TRAT1: variants seen among roughly 807,000 people sequenced by gnomAD.
TRAT1 encodes the protein T-cell receptor-associated transmembrane adapter 1.
A neutral mutation model predicts 20.0 loss-of-function variants in TRAT1; 20 were observed. The observed-to-expected ratio is 1.00, with a 90% CI of 0.70 to 1.45. The LOEUF (loss-of-function observed/expected upper bound fraction) is 1.45. Among genes scored for constraint, TRAT1 ranks in the 40% most tolerant of loss-of-function variants. TRAT1 has a pLI of 0.00. For missense variants in TRAT1, 237 were observed against 224.1 expected (o/e 1.06, Z -0.37); for synonymous variants, 77 against 74.2 (o/e 1.04, Z -0.20).
rs2107515805 is a variant in TRAT1, at chr3:108,849,253, A to G, written c.302A>G (p.Gln101Arg). ...NKMQEATPSA[Q>R]ATNETQMCYA... The stretch of plus-strand genomic sequence containing the variant: ...ATGCAGGAAGCCACCCCATCTGCAC[A>G]GGTGAGTTTTGTTTTCTGTTTCCAC... Residue 101 changes from glutamine (Q) to arginine (R), a missense_variant and splice_region_variant, in exon 5 of 6, where the codon CAG (glutamine) becomes CGG (arginine). Transcript: ENST00000295756. 1 of 1,613,186 alleles carries G rather than the reference A, an allele frequency of 6.2e-7. No individual in the cohort carries two copies. Among genetic ancestry groups the G allele is most frequent in the Non-Finnish European group, 8.5e-7 (1 of 1,179,422 alleles).
intron 4 of TRAT1, among the ~76,000 whole-genome samples, chr3:108,847,912 T>C (rs1490881190): frequency 6.6e-6 from 1 of 152,230 alleles, no homozygotes; most frequent in Non-Finnish European, 1.5e-5. Context: ...ATTAAAACAG[T>C]ATGGAATCAT....
intron 5 of TRAT1, among the ~76,000 whole-genome samples, chr3:108,850,522 C>T (rs1392359188): frequency 6.6e-6 from 1 of 151,972 alleles, no homozygotes; most frequent in African/African-American, 2.4e-5. Context: ...TTAGGCTGGT[C>T]GCAAACTCCC....
intron 4 of TRAT1, 55 bp from the exon 5 acceptor site, chr3:108,849,111 C>T: frequency 7.1e-7 from 1 of 1,402,578 alleles, no homozygotes; most frequent in Non-Finnish European, 1.0e-6. Flanking sequence ...TATTTTTAAT[C>T]ATACTAGTAT....
chr3:108,841,232 C>G (rs1315706695), intron 3 of TRAT1, among the ~76,000 whole-genome samples: 1 of 152,152 alleles, frequency 6.6e-6, no homozygotes, highest in African/African-American at 2.4e-5. Context: ...TATAAAATAA[C>G]CTATTGTCTA....
intron 4 of TRAT1, 32 bp downstream of exon 4, chr3:108,847,161 A>G (rs1945955342): frequency 7.7e-7 from 1 of 1,304,290 alleles, no homozygotes; most frequent in African/African-American, 1.5e-5. Context: ...TTTATAAATA[A>G]GTAAATCCCA....
intron 2 of TRAT1, among the ~76,000 whole-genome samples, chr3:108,836,595 C>T (rs1255548928): frequency 6.6e-6 from 1 of 152,128 alleles, no homozygotes; most frequent in African/African-American, 2.4e-5. Flanking sequence ...AACTTCCTGA[C>T]TCAAATGAGT....
chr3:108,824,344 A>T (rs933774182), intron 1 of TRAT1, among the ~76,000 whole-genome samples: 1 of 152,156 alleles, frequency 6.6e-6, no homozygotes, highest in Non-Finnish European at 1.5e-5. Flanking sequence ...AGTGATGCCA[A>T]TTCCCTCTCA....
At chr3:108,833,234 A>G (rs1945810239) in intron 2 of TRAT1, among the ~76,000 whole-genome samples, 1 of 152,186 alleles carries the variant, frequency 6.6e-6, no homozygotes, top group African/African-American at 2.4e-5. Context: ...CCTGGTCAAC[A>G]TGGAGAAACT....
chr3:108,824,534 T>C (rs1391250376), intron 1 of TRAT1, among the ~76,000 whole-genome samples: 1 of 152,208 alleles, frequency 6.6e-6, no homozygotes, highest in African/African-American at 2.4e-5. Context: ...TGATGACCTC[T>C]TTTGCTTAAT....
At chr3:108,846,954 G>T in intron 3 of TRAT1, 114 bp from the exon 4 acceptor site, 1 of 730,758 alleles carries the variant, frequency 1.4e-6, no homozygotes, top group Admixed American at 2.6e-5. Flanking sequence ...TGGTTGGCTG[G>T]GGGTAACCAA....
At chr3:108,834,297 G>T (rs960328284) in intron 2 of TRAT1, among the ~76,000 whole-genome samples, 1 of 152,126 alleles carries the variant, frequency 6.6e-6, no homozygotes, top group South Asian at 2.1e-4. Context: ...TTATTGGTGT[G>T]CAATTGATGT....
chr3:108,827,304 T>C (rs577220506), intron 1 of TRAT1, among the ~76,000 whole-genome samples: 1 of 152,130 alleles, frequency 6.6e-6, no homozygotes, highest in African/African-American at 2.4e-5. Flanking sequence ...CTGTACTAAG[T>C]AGATACCCAC....
At chr3:108,826,327 A>C (rs1411398471) in intron 1 of TRAT1, among the ~76,000 whole-genome samples, 1 of 151,740 alleles carries the variant, frequency 6.6e-6, no homozygotes, top group Admixed American at 6.6e-5. Flanking sequence ...ATCACAGCCC[A>C]CTCCCCAACA....
Position 108,847,058 on chromosome 3 carries a change from C to T in TRAT1, c.153-10C>T, listed in dbSNP as rs1429786248. The T allele has an allele frequency of 1.4e-6, 2 of 1,449,772 alleles. No individual in the cohort carries two copies. The highest frequency in any genetic ancestry group is 9.6e-7 in the Non-Finnish European group (1 of 1,045,168). 89.8% of individuals were successfully genotyped at this position (1,449,772 alleles called of 1,614,324 possible). On this transcript the variant is annotated splice_polypyrimidine_tract_variant and intron_variant, in intron 3 of 5. Coordinates refer to ENST00000295756, the MANE Select transcript of TRAT1 (RefSeq NM_016388.4). ...AATCTAATAAGGTAAATTATTTTTC[C>T]TTGTTATAGGGTTGATGAGTATTAT...
At chr3:108,832,426 TAA>T (rs1223890603) in intron 2 of TRAT1, among the ~76,000 whole-genome samples, 14 of 152,214 alleles carry the variant, frequency 9.2e-5, no homozygotes, top group Non-Finnish European at 1.5e-4. Flanking sequence ...ATAAACTATA[TAA>T]GTCAGATGTA....
intron 1 of TRAT1, among the ~76,000 whole-genome samples, chr3:108,827,101 G>C (rs1302261413): frequency 6.6e-6 from 1 of 152,164 alleles, no homozygotes; most frequent in African/African-American, 2.4e-5. Flanking sequence ...ATTCCTCTCT[G>C]ATAATTTCTC....
At position 108,853,867 on chromosome 3, in the gene TRAT1, C is replaced by G. The variant is rs748647619; in HGVS notation, c.551C>G (p.Pro184Arg). Residue 184 changes from proline (P) to arginine (R), a missense_variant, in exon 6 of 6, where the codon CCT (proline) becomes CGT (arginine). Physicochemically the swap from Pro to Arg is moderately radical, Grantham distance 103. Transcript: ENST00000295756. ...GGATTGATCCGTGCTAAGAGAGAAC[C>G]TATAAACTAGCTGGACCATGATCTA... ...LFGLIRAKRE[P>R]IN 6.2e-7 allele frequency: 1 copy of G among 1,613,642 alleles called. No individual in the cohort carries two copies. The highest frequency in any genetic ancestry group is 1.1e-5 in the South Asian group (1 of 91,052).
At chr3:108,840,203 A>G (rs952304877) in intron 3 of TRAT1, among the ~76,000 whole-genome samples, 1 of 152,244 alleles carries the variant, frequency 6.6e-6, no homozygotes, top group Admixed American at 6.5e-5. Flanking sequence ...TGTTTTTATG[A>G]CTACTCTTAA....
intron 1 of TRAT1, among the ~76,000 whole-genome samples, chr3:108,827,949 T>TG (rs751884729): frequency 8.9e-4 from 135 of 152,202 alleles, no homozygotes; most frequent in Non-Finnish European, 1.5e-3. Flanking sequence ...TCTTTGTAGC[T>TG]GAGAGTCAAA....
Sources: gnomAD v4.1 joint callset for allele counts (sites outside exome capture counted in the v4.1 genomes callset) on GRCh38, gnomAD v4.1.1 for gene constraint, MANE v1.5 for transcripts, NCBI Gene and HGNC (gene_info 2026-07-23, HGNC 2026-07-21) for gene names.